The following TRIM49 variants were observed in gnomAD, a reference collection of about 807,000 sequenced individuals.
The protein encoded by TRIM49 is tripartite motif containing 49, also known as tripartite motif-containing protein 49.
In TRIM49, 5 loss-of-function variants were observed where a neutral mutation model predicts 27.4. That is an observed-to-expected ratio of 0.18 (90% CI 0.10 to 0.38). The LOEUF (loss-of-function observed/expected upper bound fraction) is 0.38. Ranked by LOEUF, TRIM49 falls within the 10% of genes least tolerant of loss-of-function variation. The probability of loss-of-function intolerance (pLI) is 1.00; values close to 1 mark genes in which losing one functional copy is unlikely to be tolerated. For synonymous variants in TRIM49, 69 were observed against 166.0 expected (o/e 0.42, Z 4.49); for missense variants, 188 against 487.5 (o/e 0.39, Z 5.79).
chr11:89,790,292 A>G, the TRIM49 span, among the ~76,000 whole-genome samples: 1 of 141,080 alleles, frequency 7.1e-6, no homozygotes, highest in African/African-American at 2.7e-5. Flanking sequence ...CTGCAGCTCA[A>G]GGAGGCCTGC....
chr11:89,770,805 G>T, the TRIM49 span, among the ~76,000 whole-genome samples: 219 of 144,220 alleles, frequency 1.5e-3, 4 homozygotes, highest in African/African-American at 5.5e-3. Context: ...GGCGGAGCTT[G>T]CAGTGAGCCA....
At chr11:89,796,209 A>G (rs1179442433), downstream of TRIM49, among the ~76,000 whole-genome samples, 1 of 151,994 alleles carries the variant, frequency 6.6e-6, no homozygotes, top group African/African-American at 2.4e-5. Context: ...CATTTATAAT[A>G]TATTGGTTTG....
the TRIM49 span, chr11:89,777,410 T>G: frequency 6.5e-7 from 1 of 1,538,508 alleles, no homozygotes; most frequent in African/African-American, 1.4e-5. Context: ...CTAAGGCAGT[T>G]TGAATTATAC....
chr11:89,797,487 T>C (rs1949699823), downstream of TRIM49, among the ~76,000 whole-genome samples: 3 of 146,048 alleles, frequency 2.1e-5, no homozygotes, highest in Middle Eastern at 7.0e-3. Context: ...GTGTGTGTTT[T>C]GAGGTAGGAG....
chr11:89,767,424 G>T, the TRIM49 span, among the ~76,000 whole-genome samples: 1 of 123,548 alleles, frequency 8.1e-6, no homozygotes, highest in Non-Finnish European at 1.6e-5. Flanking sequence ...CAGGAGGCTG[G>T]GGACAGGAGA....
At chr11:89,795,885 TG>T (rs111582438), downstream of TRIM49, among the ~76,000 whole-genome samples, 41,968 of 147,114 alleles carry the variant, frequency 0.29, 4,658 homozygotes, top group African/African-American at 0.46. Flanking sequence ...TAAAGTATAA[TG>T]AAAAAAAAAA....
At chr11:89,772,455 C>G in the TRIM49 span, among the ~76,000 whole-genome samples, 1 of 128,760 alleles carries the variant, frequency 7.8e-6, no homozygotes. Context: ...CTGAGAATCT[C>G]TTTGTGAACA....
chr11:89,797,123 A>G (rs1299687052), downstream of TRIM49, among the ~76,000 whole-genome samples: 3 of 151,868 alleles, frequency 2.0e-5, no homozygotes, highest in Non-Finnish European at 4.4e-5. Context: ...CTTTTGTAAG[A>G]CTAATGAAAG....
At chr11:89,790,716 C>T in the TRIM49 span, among the ~76,000 whole-genome samples, 3 of 151,928 alleles carry the variant, frequency 2.0e-5, no homozygotes, top group Non-Finnish European at 4.4e-5. Flanking sequence ...AACTAACAAA[C>T]AGAAAGGACA....
the TRIM49 span, chr11:89,768,392 C>A: frequency 2.7e-6 from 2 of 748,036 alleles, no homozygotes; most frequent in Non-Finnish European, 4.3e-6. Flanking sequence ...TTGTAATGTA[C>A]CTCCACAATC....
the TRIM49 span, among the ~76,000 whole-genome samples, chr11:89,772,104 A>G: frequency 2.1e-3 from 282 of 134,056 alleles, 75 homozygotes; most frequent in African/African-American, 9.1e-3. Context: ...TCAACATGAA[A>G]ATGATGAGGA....
the TRIM49 span, among the ~76,000 whole-genome samples, chr11:89,774,377 C>A: frequency 6.6e-6 from 1 of 150,990 alleles, no homozygotes; most frequent in Non-Finnish European, 1.5e-5. Flanking sequence ...GTCTGTTGAG[C>A]TTTGAGCCCT....
At chr11:89,807,672 G>A (rs529415524) in intron 1 of TRIM49, among the ~76,000 whole-genome samples, 282 of 150,974 alleles carry the variant, frequency 1.9e-3, no homozygotes, top group African/African-American at 6.6e-3. Flanking sequence ...ACGACTTTAG[G>A]CTCACACTAT....
the TRIM49 span, among the ~76,000 whole-genome samples, chr11:89,768,438 A>G: frequency 7.4e-6 from 1 of 134,598 alleles, no homozygotes; most frequent in East Asian, 2.1e-4. Context: ...GAATCTTTCT[A>G]ACTCTTCACT....
At chr11:89,802,518 A>G (rs1478140006) in intron 4 of TRIM49, among the ~76,000 whole-genome samples, 2 of 150,974 alleles carry the variant, frequency 1.3e-5, no homozygotes, top group African/African-American at 4.9e-5. Context: ...ACACAAACTC[A>G]AAATTACTGC....
At chr11:89,778,379 G>A in the TRIM49 span, among the ~76,000 whole-genome samples, 2 of 149,654 alleles carry the variant, frequency 1.3e-5, no homozygotes, top group African/African-American at 4.9e-5. Flanking sequence ...GCATAATATG[G>A]TGTATGGCTA....
chr11:89,804,051 T>C lies in TRIM49; in HGVS notation c.411+8A>G. 6.2e-7 allele frequency: 1 copy of C among 1,604,102 alleles called. No individual in the cohort carries two copies. The highest frequency in any genetic ancestry group is 1.1e-5 in the South Asian group (1 of 90,438). On this transcript the variant is annotated splice_region_variant and intron_variant, in intron 3 of 7. Coordinates refer to ENST00000329758, the MANE Select transcript of TRIM49 (RefSeq NM_020358.2). ...TTACAGAAATCGATCTTCAGAGCCA[T>C]CACTTACCCGGTGTTCCTCAGCAGC...
intron 6 of TRIM49, 105 bp downstream of exon 6, chr11:89,800,861 A>T: frequency 1.5e-6 from 1 of 658,440 alleles, no homozygotes; most frequent in East Asian, 2.9e-5. Flanking sequence ...TGCAAAAAAA[A>T]GTGGTATCAA....
chr11:89,793,531 C>T (rs1254905023), downstream of TRIM49, among the ~76,000 whole-genome samples: 28 of 152,266 alleles, frequency 1.8e-4, no homozygotes, highest in South Asian at 2.1e-4. Flanking sequence ...AAAGCTTATC[C>T]GCCAAGAGCA....
Sources: gnomAD v4.1 joint callset for allele counts (sites outside exome capture counted in the v4.1 genomes callset) on GRCh38, gnomAD v4.1.1 for gene constraint, MANE v1.5 for transcripts, NCBI Gene and HGNC (gene_info 2026-07-23, HGNC 2026-07-21) for gene names.